The following USH2A variants were observed in gnomAD, a reference collection of about 807,000 sequenced individuals.
USH2A encodes Usher syndrome 2A (autosomal recessive, mild).
Under a neutral mutation model 538.9 loss-of-function variants are expected in USH2A, and 443 were observed. That is an observed-to-expected ratio of 0.82 (90% CI 0.76 to 0.89). The LOEUF (loss-of-function observed/expected upper bound fraction) is 0.89, where lower values mean the gene tolerates loss of function less well. Among genes scored for constraint, USH2A ranks in the 40% least tolerant of loss-of-function variants. USH2A has a pLI of 0.00. For synonymous variants in USH2A, 2,413 were observed against 2,273.5 expected (o/e 1.06, Z -1.75); for missense variants, 6,633 against 6,324.8 (o/e 1.05, Z -1.65).
intron 32 of USH2A, among the ~76,000 whole-genome samples, chr1:216,016,398 A>T (rs1489868135): frequency 1.3e-5 from 2 of 152,182 alleles, no homozygotes; most frequent in Non-Finnish European, 2.9e-5. Context: ...TTGCTATGAT[A>T]AGGACTTATA....
At chr1:215,773,752 C>G (rs892526156) in intron 55 of USH2A, among the ~76,000 whole-genome samples, 2 of 152,122 alleles carry the variant, frequency 1.3e-5, no homozygotes, top group Admixed American at 6.6e-5. Flanking sequence ...CGGAGCATCT[C>G]TGCCTACTGA....
chr1:215,963,153 T>C (rs1307990725), intron 37 of USH2A, among the ~76,000 whole-genome samples: 1 of 152,148 alleles, frequency 6.6e-6, no homozygotes, highest in Non-Finnish European at 1.5e-5. Flanking sequence ...CATTAGACAA[T>C]TCAATAAGCT....
At chr1:215,665,770 G>A (rs902144222) in intron 64 of USH2A, among the ~76,000 whole-genome samples, 1 of 152,060 alleles carries the variant, frequency 6.6e-6, no homozygotes, top group Non-Finnish European at 1.5e-5. Flanking sequence ...AATGATTATT[G>A]TCTTTAAAAA....
intron 21 of USH2A, among the ~76,000 whole-genome samples, chr1:216,171,928 C>A (rs2034283296): frequency 6.6e-6 from 1 of 151,950 alleles, no homozygotes; most frequent in Non-Finnish European, 1.5e-5. Context: ...ATAATACATT[C>A]TTCCTGAAGA....
intron 49 of USH2A, among the ~76,000 whole-genome samples, chr1:215,804,438 G>C (rs886614276): frequency 1.3e-5 from 2 of 151,692 alleles, no homozygotes; most frequent in African/African-American, 4.9e-5. Context: ...AAATTTACAA[G>C]AAAAAACAAA....
At position 216,253,575 on chromosome 1, in the gene USH2A, GTCC is replaced by G. The variant is rs556051076; in HGVS notation, c.1972-2480_1972-2478del. Among the ~76,000 whole-genome samples the G allele has an allele frequency of 3.2e-4, 49 of 152,246 alleles. No homozygotes were observed. The South Asian group carries it at 5.4e-3, about 17-fold the overall frequency. ...CTAATTCCATCCCTGAATGACAGAAGTCCTCCTTAAGTTTATAAGAATTCTATG... is the reference window on the plus strand; with the variant it reads ...CTAATTCCATCCCTGAATGACAGAAGTCCTTAAGTTTATAAGAATTCTATG... On this transcript the variant is annotated intron_variant, in intron 11 of 71. Transcript: ENST00000307340.
At chr1:216,313,487 C>T (rs115289970) in intron 9 of USH2A, among the ~76,000 whole-genome samples, 5,947 of 152,212 alleles carry the variant, frequency 0.039, 177 homozygotes, top group Middle Eastern at 0.11. Flanking sequence ...CCTTTAAATG[C>T]TATTTTTAAT....
At chr1:215,640,168 G>C (rs1426506104) in intron 68 of USH2A, among the ~76,000 whole-genome samples, 3 of 152,082 alleles carry the variant, frequency 2.0e-5, no homozygotes, top group African/African-American at 7.2e-5. Flanking sequence ...TTCCTGATAG[G>C]GCTCTGTTTG....
intron 62 of USH2A, among the ~76,000 whole-genome samples, chr1:215,678,638 T>TATATA (rs1404843114): frequency 6.6e-6 from 1 of 152,164 alleles, no homozygotes; most frequent in Non-Finnish European, 1.5e-5. Context: ...ATTCCCTTGC[T>TATATA]TATTTATTTA....
intron 21 of USH2A, among the ~76,000 whole-genome samples, chr1:216,155,087 G>A (rs991925450): frequency 6.6e-6 from 1 of 152,036 alleles, no homozygotes; most frequent in Non-Finnish European, 1.5e-5. Context: ...ATCTGACATA[G>A]TTGACTCCAT....
intron 30 of USH2A, among the ~76,000 whole-genome samples, chr1:216,060,765 G>A (rs139068339): frequency 3.9e-5 from 6 of 152,078 alleles, no homozygotes; most frequent in East Asian, 1.9e-4. Context: ...AACACCTTAC[G>A]GAAAAAATAA....
intron 13 of USH2A, among the ~76,000 whole-genome samples, chr1:216,244,027 T>G (rs2035985976): frequency 6.7e-6 from 1 of 149,700 alleles, no homozygotes; most frequent in Admixed American, 6.8e-5. Context: ...TTTCAAGTTT[T>G]CTATAGGTTT....
chr1:215,880,609 T>C (rs1287741569), intron 41 of USH2A, among the ~76,000 whole-genome samples: 1 of 152,142 alleles, frequency 6.6e-6, no homozygotes, highest in Non-Finnish European at 1.5e-5. Flanking sequence ...GCTATTTGTT[T>C]TGGAGGTGCA....
intron 58 of USH2A, among the ~76,000 whole-genome samples, chr1:215,749,891 A>C (rs1660575485): frequency 6.6e-6 from 1 of 152,222 alleles, no homozygotes; most frequent in South Asian, 2.1e-4. Context: ...TACAACAACT[A>C]GATGCTGATA....
chr1:216,324,484 G>C, intron 6 of USH2A, 132 bp from the exon 7 acceptor site: 6 of 875,582 alleles, frequency 6.9e-6, no homozygotes, highest in Non-Finnish European at 8.6e-6. Flanking sequence ...ATATGTATTA[G>C]ACATCCAGAA....
chr1:215,706,637 T>G (rs1458844332), intron 61 of USH2A, among the ~76,000 whole-genome samples: 1 of 152,152 alleles, frequency 6.6e-6, no homozygotes, highest in Non-Finnish European at 1.5e-5. Context: ...ACTTAAGCAG[T>G]TGTGGCAGGA....
chr1:215,642,862 A>T (rs1040535511), intron 67 of USH2A, among the ~76,000 whole-genome samples: 2 of 152,030 alleles, frequency 1.3e-5, no homozygotes, highest in Non-Finnish European at 2.9e-5. Context: ...AAACATTTAC[A>T]CCTCACCTCT....
At chr1:215,965,249 A>G in intron 37 of USH2A, 68 bp downstream of exon 37, 2 of 1,522,536 alleles carry the variant, frequency 1.3e-6, no homozygotes, top group South Asian at 2.4e-5. Flanking sequence ...TAGCCAAAAG[A>G]AAGATTTTAA....
intron 67 of USH2A, among the ~76,000 whole-genome samples, chr1:215,640,996 A>G (rs1656666780): frequency 6.6e-6 from 1 of 152,140 alleles, no homozygotes; most frequent in South Asian, 2.1e-4. Flanking sequence ...TTTAAAAAAA[A>G]TCGATAGAGA....
Sources: gnomAD v4.1 joint callset for allele counts (sites outside exome capture counted in the v4.1 genomes callset) on GRCh38, gnomAD v4.1.1 for gene constraint, MANE v1.5 for transcripts, NCBI Gene and HGNC (gene_info 2026-07-23, HGNC 2026-07-21) for gene names.